The following RFX4 variants were observed in gnomAD, a reference collection of about 807,000 sequenced individuals.
The protein encoded by RFX4 is regulatory factor X4, also known as transcription factor RFX4.
In RFX4, 10 loss-of-function variants were observed where a neutral mutation model predicts 95.0. That is an observed-to-expected ratio of 0.11 (90% CI 0.06 to 0.18). The LOEUF (loss-of-function observed/expected upper bound fraction) is 0.18, where lower values mean the gene tolerates loss of function less well. Among genes scored for constraint, RFX4 ranks in the 10% least tolerant of loss-of-function variants. RFX4 has a pLI of 1.00. For synonymous variants in RFX4, 321 were observed against 340.7 expected (o/e 0.94, Z 0.64); for missense variants, 640 against 922.0 (o/e 0.69, Z 3.96).
At chr12:106,658,138 A>G (rs1229965407) in intron 4 of RFX4, among the ~76,000 whole-genome samples, 6 of 152,180 alleles carry the variant, frequency 3.9e-5, no homozygotes, top group Non-Finnish European at 8.8e-5. Context: ...TACATGTTGT[A>G]TGATTTATAT....
At chr12:106,694,456 C>A (rs1171131849) in intron 7 of RFX4, among the ~76,000 whole-genome samples, 1 of 152,154 alleles carries the variant, frequency 6.6e-6, no homozygotes, top group Non-Finnish European at 1.5e-5. Context: ...CTGCAGGTTA[C>A]CAGGGCAGGG....
chr12:106,717,142 C>T (rs1031152525), intron 11 of RFX4, among the ~76,000 whole-genome samples: 2 of 152,064 alleles, frequency 1.3e-5, no homozygotes, highest in Non-Finnish European at 2.9e-5. Context: ...CCCTGCACAC[C>T]CTAATAGCAC....
intron 15 of RFX4, among the ~76,000 whole-genome samples, chr12:106,737,150 C>G (rs535001452): frequency 9.6e-5 from 12 of 124,564 alleles, no homozygotes; most frequent in African/African-American, 3.6e-4. Context: ...CCAGAATAGA[C>G]TCGGAACTAA....
intron 1 of RFX4, among the ~76,000 whole-genome samples, chr12:106,606,628 G>A (rs1565947572): frequency 1.3e-5 from 2 of 152,246 alleles, no homozygotes; most frequent in South Asian, 4.1e-4. Flanking sequence ...AAGGTGCAGC[G>A]TTTTAATGTT....
chr12:106,704,575 G>A (rs940077074), intron 8 of RFX4, among the ~76,000 whole-genome samples: 3 of 152,140 alleles, frequency 2.0e-5, no homozygotes, highest in Non-Finnish European at 2.9e-5. Flanking sequence ...CCCAGGCTGA[G>A]GCACATCTCC....
At chr12:106,700,621 T>C (rs1244207368) in intron 8 of RFX4, among the ~76,000 whole-genome samples, 1 of 150,982 alleles carries the variant, frequency 6.6e-6, no homozygotes, top group African/African-American at 2.4e-5. Context: ...TTAGCCAGGA[T>C]GGTCTCGATC....
chr12:106,622,622 ATTTTT>A (rs34736856), intron 2 of RFX4, among the ~76,000 whole-genome samples: 1 of 132,258 alleles, frequency 7.6e-6, no homozygotes. Flanking sequence ...TCCAAGCTGC[ATTTTT>A]TTTTTTTTTT....
rs892826152 is a variant in RFX4 at position 106,747,368 on chromosome 12, A to G, written c.1634-69A>G. On this transcript the variant is annotated intron_variant, in intron 15 of 17. Transcript: ENST00000392842. ...TTCAACTTAAGAACAAAGGGAAGCC[A>G]CTAAAGTAAGGAAGAACAAGGGATA... The G allele has an allele frequency of 3.9e-6, 6 of 1,556,498 alleles. No individual in the cohort carries two copies. The African/African-American group carries it at 4.1e-5, about 11-fold the overall frequency.
At chr12:106,754,818 C>A (rs890715222) in intron 17 of RFX4, among the ~76,000 whole-genome samples, 2 of 152,194 alleles carry the variant, frequency 1.3e-5, no homozygotes, top group African/African-American at 4.8e-5. Context: ...CCTTGTGACT[C>A]TTAGACGAGT....
intron 4 of RFX4, among the ~76,000 whole-genome samples, chr12:106,661,657 A>G (rs1468556900): frequency 2.0e-5 from 3 of 152,144 alleles, no homozygotes; most frequent in African/African-American, 7.2e-5. Flanking sequence ...ACATGTATCC[A>G]TTGTTTTGGT....
chr12:106,698,457 A>C (rs1457344206), intron 8 of RFX4, among the ~76,000 whole-genome samples: 1 of 152,080 alleles, frequency 6.6e-6, no homozygotes, highest in Non-Finnish European at 1.5e-5. Context: ...TTAAAAAAAA[A>C]ATTTGTAGAG....
At chr12:106,737,164 T>G (rs902514855) in intron 15 of RFX4, among the ~76,000 whole-genome samples, 1 of 14,048 alleles carries the variant, frequency 7.1e-5, no homozygotes, top group Non-Finnish European at 1.2e-4. Context: ...GAACTAAAGT[T>G]TTTTTTTTTT....
At chr12:106,716,749 A>C (rs2042300400) in intron 11 of RFX4, among the ~76,000 whole-genome samples, 1 of 152,122 alleles carries the variant, frequency 6.6e-6, no homozygotes, top group African/African-American at 2.4e-5. Flanking sequence ...TGCCTATTCT[A>C]AGCCAGCTCC....
At chr12:106,596,625 T>C (rs910592653) in intron 1 of RFX4, among the ~76,000 whole-genome samples, 3 of 152,364 alleles carry the variant, frequency 2.0e-5, no homozygotes, top group Admixed American at 6.5e-5. Flanking sequence ...CATTGGTCTG[T>C]ACAGCAACTG....
At chr12:106,744,076 C>A (rs2042852318) in intron 15 of RFX4, among the ~76,000 whole-genome samples, 1 of 152,180 alleles carries the variant, frequency 6.6e-6, no homozygotes, top group Non-Finnish European at 1.5e-5. Context: ...TTTTAATAAA[C>A]ATGACATTTT....
At chr12:106,677,818 T>A (rs1240268601) in intron 4 of RFX4, among the ~76,000 whole-genome samples, 1 of 151,988 alleles carries the variant, frequency 6.6e-6, no homozygotes, top group African/African-American at 2.4e-5. Context: ...AGTGGACTAG[T>A]GCAGTAGTGG....
At chr12:106,727,884 G>T (rs2042534316) in intron 13 of RFX4, among the ~76,000 whole-genome samples, 1 of 152,308 alleles carries the variant, frequency 6.6e-6, no homozygotes, top group South Asian at 2.1e-4. Context: ...CTCCCAAAGT[G>T]CTGGGATTAC....
chr12:106,747,535 A>T lies in RFX4; in HGVS notation c.1732A>T (p.Thr578Ser). ...CCAACAGCTGCCCTGTATGAGGAAC[A>T]CTCATGTGCCTTCTTCCTCCGTCAC... is the stretch of plus-strand genomic sequence containing the variant. ...NSQQLPCMRN[T>S]HVPSSSVTHR... Residue 578 changes from threonine (T) to serine (S), a missense_variant, in exon 16 of 18, where the codon ACT (threonine) becomes TCT (serine). Physicochemically the swap from Thr to Ser is moderately conservative, Grantham distance 58. Coordinates refer to ENST00000392842, the MANE Select transcript of RFX4 (RefSeq NM_213594.3). 1.2e-6 allele frequency: 2 copies of T among 1,614,098 alleles called. No homozygotes were observed. The highest frequency in any genetic ancestry group is 1.7e-6 in the Non-Finnish European group (2 of 1,180,010).
chr12:106,727,672 T>A (rs1401349486), intron 13 of RFX4, among the ~76,000 whole-genome samples: 4 of 151,592 alleles, frequency 2.6e-5, no homozygotes, highest in Admixed American at 6.6e-5. Context: ...CAGGCTGGAG[T>A]GCAATGGCAC....
Sources: allele counts gnomAD v4.1 joint callset (sites outside exome capture counted in the v4.1 genomes callset), GRCh38; gene constraint gnomAD v4.1.1; transcripts MANE v1.5; gene names NCBI Gene and HGNC (gene_info 2026-07-23, HGNC 2026-07-21).